RANBP9: variants seen among roughly 807,000 people sequenced by gnomAD.
RANBP9 encodes ran-binding protein 9.
A neutral mutation model predicts 84.3 loss-of-function variants in RANBP9; 15 were observed. The ratio of observed to expected loss-of-function variants is 0.18; its 90% CI spans 0.12 to 0.27. The LOEUF (loss-of-function observed/expected upper bound fraction) is 0.27. RANBP9 is among the 10% of genes least tolerant of loss of function. The pLI, the probability that RANBP9 is intolerant of heterozygous loss-of-function variation, is 1.00. For missense variants in RANBP9, 809 were observed against 912.8 expected, an observed-to-expected ratio of 0.89 and a Z score of 1.46; for synonymous variants, 392 against 349.6, an observed-to-expected ratio of 1.12 and a Z score of -1.35.
chr6:13,670,309 T>C (rs936733055), intron 2 of RANBP9, among the ~76,000 whole-genome samples: 7 of 151,824 alleles, frequency 4.6e-5, no homozygotes, highest in African/African-American at 1.7e-4. Context: ...AAAAAAATAT[T>C]TTCAAAAAGA....
chr6:13,703,228 T>G (rs1758019978), intron 1 of RANBP9, among the ~76,000 whole-genome samples: 1 of 152,200 alleles, frequency 6.6e-6, no homozygotes, highest in Non-Finnish European at 1.5e-5. Context: ...GACCTACCAT[T>G]TCTTTTGTGC....
At position 13,711,574 on chromosome 6, in the gene RANBP9, C is replaced by T; in HGVS notation, c.-69G>A. 8.2e-7 allele frequency: 1 copy of T among 1,222,184 alleles called. No homozygotes were observed. The allele number at this position is 1,222,184 out of a possible 1,614,324, so 75.7% of individuals were successfully genotyped here. On this transcript the variant is annotated 5_prime_UTR_variant, in exon 1 of 14. Coordinates refer to ENST00000011619, the MANE Select transcript of RANBP9 (RefSeq NM_005493.3). ...CTTCCTCCTCTGCTTCCCGGGGGCG[C>T]TGTCGCTGCGGCCGCCGGCACCAGG...
chr6:13,624,689 A>G (rs557181238), intron 13 of RANBP9, among the ~76,000 whole-genome samples: 1 of 152,360 alleles, frequency 6.6e-6, no homozygotes, highest in Admixed American at 6.5e-5. Context: ...TGAGCTGCTC[A>G]TAGGAATGGC....
chr6:13,689,947 G>A lies in RANBP9; in HGVS notation c.683+6838C>T, dbSNP rs142666195. Among the ~76,000 whole-genome samples, 505 of 152,252 alleles carry A rather than the reference G, an allele frequency of 3.3e-3. 2 individuals carry two copies. Among genetic ancestry groups the A allele is most frequent in the African/African-American group, 0.012 (491 of 41,526 alleles). On this transcript the variant is annotated intron_variant, in intron 2 of 13. Transcript: ENST00000011619. Reference sequence around the variant, plus strand: ...AACAGTTTGGTCAACAAAGGACTATGTATGTAGTCCTCTGTTGGACAGACC... The same window carrying A: ...AACAGTTTGGTCAACAAAGGACTATATATGTAGTCCTCTGTTGGACAGACC...
chr6:13,638,013 G>A (rs950774847), intron 9 of RANBP9, 58 bp from the exon 10 acceptor site: 1 of 1,439,702 alleles, frequency 6.9e-7, no homozygotes, highest in Non-Finnish European at 9.3e-7. Context: ...TAATACGGTT[G>A]TAAACAAGTC....
At chr6:13,653,109 A>C (rs528299457) in intron 4 of RANBP9, among the ~76,000 whole-genome samples, 97 of 152,314 alleles carry the variant, frequency 6.4e-4, no homozygotes, top group Non-Finnish European at 1.1e-3. Flanking sequence ...GCTGGAAAGA[A>C]AAGAGTTTTT....
In RANBP9 at chr6:13,671,457, G is replaced by A. The variant is rs747818231; in HGVS notation, c.684-12625C>T. On this transcript the variant is annotated intron_variant, in intron 2 of 13. Transcript: ENST00000011619. ...GGAATATTAATTTGGCAACAAAAAG[G>A]AATGGAGTATTGATATATGATACAG... Among the ~76,000 whole-genome samples the A allele has an allele frequency of 3.0e-4, 45 of 152,240 alleles. No individual in the cohort carries two copies. The Middle Eastern group carries it at 0.01, about 35-fold the overall frequency.
At chr6:13,686,349 G>A (rs988825045) in intron 2 of RANBP9, among the ~76,000 whole-genome samples, 3 of 151,844 alleles carry the variant, frequency 2.0e-5, no homozygotes, top group Admixed American at 6.6e-5. Context: ...GCAGCGGCGC[G>A]ATCTTGGCTC....
At chr6:13,641,900 C>T (rs1765071912) in intron 7 of RANBP9, among the ~76,000 whole-genome samples, 1 of 152,114 alleles carries the variant, frequency 6.6e-6, no homozygotes, top group African/African-American at 2.4e-5. Flanking sequence ...TAATTTCACC[C>T]ATCTATTTTG....
chr6:13,705,088 T>G (rs1758068301), intron 1 of RANBP9, among the ~76,000 whole-genome samples: 1 of 152,080 alleles, frequency 6.6e-6, no homozygotes, highest in Non-Finnish European at 1.5e-5. Context: ...AAAACACATA[T>G]AAATTGTCTA....
chr6:13,669,387 A>C (rs949797690), intron 2 of RANBP9, among the ~76,000 whole-genome samples: 2 of 152,224 alleles, frequency 1.3e-5, no homozygotes, highest in African/African-American at 4.8e-5. Flanking sequence ...TCCTGAAATC[A>C]TACACAAATG....
At chr6:13,692,226 G>T (rs1562320592) in intron 2 of RANBP9, among the ~76,000 whole-genome samples, 1 of 151,932 alleles carries the variant, frequency 6.6e-6, no homozygotes, top group Non-Finnish European at 1.5e-5. Context: ...AGAGATAAAT[G>T]AATGTGACCA....
chr6:13,703,260 G>C (rs866560846), intron 1 of RANBP9, among the ~76,000 whole-genome samples: 5 of 152,074 alleles, frequency 3.3e-5, no homozygotes, highest in Admixed American at 2.0e-4. Flanking sequence ...TTTCAATGTT[G>C]GTGTTCTTCA....
rs1225749930 is a variant in RANBP9, at chr6:13,634,555, G to A, written c.1674-3C>T. 1 of 1,590,346 alleles carries A rather than the reference G, an allele frequency of 6.3e-7. No homozygotes were observed. The highest frequency in any genetic ancestry group is 1.8e-5 in the Admixed American group (1 of 55,794). On this transcript the variant is annotated splice_polypyrimidine_tract_variant and splice_region_variant and intron_variant, in intron 10 of 13. Transcript: ENST00000011619. The stretch of plus-strand genomic sequence containing the variant: ...CTGTTTCCATGTCTACATCATTACT[G>A]AAAACGAAAAAACAAACCTAATTTT...
chr6:13,661,275 G>A (rs1261307153), intron 2 of RANBP9, among the ~76,000 whole-genome samples: 1 of 152,170 alleles, frequency 6.6e-6, no homozygotes, highest in Non-Finnish European at 1.5e-5. Flanking sequence ...TCAATATCAT[G>A]CTGAAGCAAG....
intron 1 of RANBP9, among the ~76,000 whole-genome samples, chr6:13,697,646 C>A (rs180671771): frequency 6.6e-6 from 1 of 152,310 alleles, no homozygotes; most frequent in East Asian, 1.9e-4. Context: ...ACAATCACTT[C>A]CCCTACCTCT....
chr6:13,658,548 T>C (rs1765462741), intron 3 of RANBP9, among the ~76,000 whole-genome samples: 1 of 152,188 alleles, frequency 6.6e-6, no homozygotes, highest in Non-Finnish European at 1.5e-5. Context: ...AGGCAGAGGT[T>C]GCAGTGGGCC....
chr6:13,629,910 TCTCTCTCTCTC>T (rs1764728360), intron 12 of RANBP9, among the ~76,000 whole-genome samples: 2 of 122,990 alleles, frequency 1.6e-5, no homozygotes, highest in East Asian at 3.5e-4. Flanking sequence ...TCTCTCTCTC[TCTCTCTCTCTC>T]GTGTGTGTGT....
intron 7 of RANBP9, 150 bp from the exon 8 acceptor site, chr6:13,641,457 G>A (rs1765060924): frequency 3.6e-6 from 2 of 559,746 alleles, no homozygotes; most frequent in Admixed American, 7.6e-5. Flanking sequence ...TTTCCATTAG[G>A]CAATCCAGGA....
Sources: allele counts gnomAD v4.1 joint callset (sites outside exome capture counted in the v4.1 genomes callset), GRCh38; gene constraint gnomAD v4.1.1; transcripts MANE v1.5; gene names NCBI Gene and HGNC (gene_info 2026-07-23, HGNC 2026-07-21).